NNMT: variants seen among roughly 807,000 people sequenced by gnomAD.
NNMT encodes the protein nicotinamide N-methyltransferase.
In NNMT, 10 loss-of-function variants were observed where a neutral mutation model predicts 11.7. The ratio of observed to expected loss-of-function variants is 0.85; its 90% CI spans 0.53 to 1.45. NNMT has a LOEUF of 1.45. Among genes scored for constraint, NNMT ranks in the 40% most tolerant of loss-of-function variants. The pLI, the probability that NNMT is intolerant of heterozygous loss-of-function variation, is 0.00. For missense variants in NNMT, 381 were observed against 319.4 expected (o/e 1.19, Z -1.47); for synonymous variants, 143 against 133.8 (o/e 1.07, Z -0.48).
intron 2 of NNMT, among the ~76,000 whole-genome samples, chr11:114,301,115 T>C (rs556997196): frequency 5.0e-4 from 76 of 152,326 alleles, no homozygotes; most frequent in African/African-American, 1.8e-3. Flanking sequence ...CTGATGAGGC[T>C]GTGGGGAAAG....
intron 2 of NNMT, among the ~76,000 whole-genome samples, chr11:114,277,904 C>T (rs926459008): frequency 3.3e-5 from 5 of 152,322 alleles, no homozygotes; most frequent in East Asian, 1.9e-4. Context: ...AGTTGCAACA[C>T]GTAAGCCCTT....
chr11:114,258,260 C>T (rs1000524488), intron 1 of NNMT, among the ~76,000 whole-genome samples: 78 of 152,226 alleles, frequency 5.1e-4, no homozygotes, highest in Admixed American at 3.9e-4. Context: ...GGGAGCTCCC[C>T]GCATGCCCTG....
chr11:114,269,645 C>T (rs191806841), intron 2 of NNMT, among the ~76,000 whole-genome samples: 35 of 152,274 alleles, frequency 2.3e-4, no homozygotes, highest in Admixed American at 7.2e-4. Flanking sequence ...CTTTTAGCTA[C>T]TGCCCTGTCT....
chr11:114,303,050 C>A (rs529928671), intron 2 of NNMT, among the ~76,000 whole-genome samples: 78 of 152,152 alleles, frequency 5.1e-4, no homozygotes, highest in Non-Finnish European at 9.4e-4. Flanking sequence ...CTATGGTATT[C>A]TGTTACAGGA....
intron 2 of NNMT, chr11:114,269,435 A>G (rs1196621596): frequency 1.3e-5 from 2 of 152,134 alleles, no homozygotes; most frequent in East Asian, 3.8e-4. Context: ...GTATTTCCCT[A>G]GTTTTTGCCT....
chr11:114,306,696 C>T (rs188105912), intron 2 of NNMT, among the ~76,000 whole-genome samples: 105 of 152,192 alleles, frequency 6.9e-4, no homozygotes, highest in Admixed American at 2.0e-3. Flanking sequence ...CTGTTCTGTT[C>T]CATTGTTCTA....
chr11:114,312,553 A>G lies in NNMT; in HGVS notation c.*76A>G. ...AGTCCTTGTTTCTAACTGCCAAGTC[A>G]TGTGCTGAGTAGAGGCTCAGTGGTT... On this transcript the variant is annotated 3_prime_UTR_variant, in exon 3 of 3. Coordinates refer to ENST00000299964, the MANE Select transcript of NNMT (RefSeq NM_006169.3). The G allele has an allele frequency of 7.0e-7, 1 of 1,437,978 alleles. No individual in the cohort carries two copies. Among genetic ancestry groups the G allele is most frequent in the Non-Finnish European group, 9.5e-7 (1 of 1,050,096 alleles). The allele number at this position is 1,437,978 out of a possible 1,614,324, so 89.1% of individuals were successfully genotyped here. A position where few individuals can be genotyped will look rare whatever the true frequency, so the allele number is the denominator to read the frequency against.
At chr11:114,294,806 A>T (rs1373921670), upstream of NNMT, among the ~76,000 whole-genome samples, 1 of 152,222 alleles carries the variant, frequency 6.6e-6, no homozygotes, top group South Asian at 2.1e-4. Context: ...AAAAAGAAAA[A>T]AAAATCAAGT....
chr11:114,274,003 T>G (rs1231603263), intron 2 of NNMT, among the ~76,000 whole-genome samples: 1 of 152,150 alleles, frequency 6.6e-6, no homozygotes, highest in Admixed American at 6.5e-5. Context: ...TGACAAAGCT[T>G]GTTCTCTACT....
intron 2 of NNMT, among the ~76,000 whole-genome samples, chr11:114,273,298 T>G (rs1437364513): frequency 6.6e-6 from 1 of 152,128 alleles, no homozygotes; most frequent in African/African-American, 2.4e-5. Context: ...GAACAAGAGG[T>G]TGGAGACTGG....
At chr11:114,272,484 T>C (rs2135249011) in intron 2 of NNMT, among the ~76,000 whole-genome samples, 1 of 152,302 alleles carries the variant, frequency 6.6e-6, no homozygotes, top group Non-Finnish European at 1.5e-5. Flanking sequence ...CTTCAGAGTG[T>C]GTGGAACTGC....
At chr11:114,295,217 G>A (rs1285556938), upstream of NNMT, among the ~76,000 whole-genome samples, 7 of 152,072 alleles carry the variant, frequency 4.6e-5, no homozygotes, top group African/African-American at 1.7e-4. Flanking sequence ...TGGGACACCC[G>A]GCAACATTGT....
At position 114,298,176 on chromosome 11, in the gene NNMT, T is replaced by A. The variant is rs1945403446; in HGVS notation, c.362+18T>A. 1.9e-6 allele frequency: 3 copies of A among 1,611,412 alleles called. No homozygotes were observed. Among genetic ancestry groups the A allele is most frequent in the Non-Finnish European group, 2.5e-6 (3 of 1,178,010 alleles). ...GGGAACAGGTAGAGAAACTGGTGTC[T>A]ACTTCTTGGCTTTTGAAGGTACCTG... is the stretch of plus-strand genomic sequence containing the variant. On this transcript the variant is annotated intron_variant, in intron 2 of 2. Transcript: ENST00000299964.
rs1017289763 is a variant in NNMT, at chr11:114,312,421, G to A, written c.739G>A (p.Ala247Thr). ...CTCGCAAAGTTATTCTTCCACCATG[G>A]CCAACAACGAAGGACTTTTCTCCCT... ...VISQSYSSTM[A>T]NNEGLFSLVA... Residue 247 changes from alanine to threonine, a missense_variant, in exon 3 of 3, where the codon GCC (alanine) becomes ACC (threonine). Coordinates refer to ENST00000299964, the MANE Select transcript of NNMT (RefSeq NM_006169.3). The A allele has an allele frequency of 1.9e-6, 3 of 1,614,182 alleles. No homozygotes were observed. The highest frequency in any genetic ancestry group is 1.1e-5 in the South Asian group (1 of 91,084).
intron 2 of NNMT, among the ~76,000 whole-genome samples, chr11:114,286,424 T>G (rs1462989169): frequency 6.6e-6 from 1 of 152,190 alleles, no homozygotes; most frequent in Non-Finnish European, 1.5e-5. Context: ...TCCTCCCCAG[T>G]CACCCACAGG....
At chr11:114,268,768 C>CAA (rs34012236) in intron 2 of NNMT, among the ~76,000 whole-genome samples, 975 of 66,510 alleles carry the variant, frequency 0.015, 19 homozygotes, top group African/African-American at 0.028. Flanking sequence ...GACTCCGTCT[C>CAA]AAAAAAAAAA....
intron 2 of NNMT, among the ~76,000 whole-genome samples, chr11:114,276,587 T>C (rs1344677044): frequency 2.6e-5 from 4 of 152,174 alleles, no homozygotes; most frequent in Non-Finnish European, 5.9e-5. Flanking sequence ...AGGTTTATAA[T>C]ATGCTCCACT....
chr11:114,273,860 T>C (rs1378712066), intron 2 of NNMT, among the ~76,000 whole-genome samples: 2 of 151,986 alleles, frequency 1.3e-5, no homozygotes, highest in African/African-American at 4.8e-5. Flanking sequence ...TTTGAGACCA[T>C]GTTACAGATG....
At chr11:114,259,731 C>A (rs946106256) in intron 1 of NNMT, among the ~76,000 whole-genome samples, 3 of 152,184 alleles carry the variant, frequency 2.0e-5, no homozygotes, top group Non-Finnish European at 4.4e-5. Context: ...GACTCTGCCG[C>A]CCTGCAGCCC....
Sources: allele counts gnomAD v4.1 joint callset (sites outside exome capture counted in the v4.1 genomes callset), GRCh38; gene constraint gnomAD v4.1.1; transcripts MANE v1.5; gene names NCBI Gene and HGNC (gene_info 2026-07-23, HGNC 2026-07-21).